The following NAV2 variants were observed in gnomAD, a reference collection of about 807,000 sequenced individuals.
NAV2 encodes the protein helicase, APC down-regulated 1.
NAV2 carries 54 observed loss-of-function variants against 223.2 expected under a neutral mutation model. That is an observed-to-expected ratio of 0.24 (90% CI 0.19 to 0.30). The LOEUF (loss-of-function observed/expected upper bound fraction) is 0.30. NAV2 is among the 10% of genes least tolerant of loss of function. NAV2 has a pLI of 1.00. For missense variants in NAV2, 2,806 were observed against 3,147.5 expected, an observed-to-expected ratio of 0.89 and a Z score of 2.60; for synonymous variants, 1,279 against 1,239.3, an observed-to-expected ratio of 1.03 and a Z score of -0.67.
chr11:20,110,236 C>T (rs1211318324), intron 36 of NAV2, among the ~76,000 whole-genome samples: 3 of 152,122 alleles, frequency 2.0e-5, no homozygotes, highest in African/African-American at 4.8e-5. Context: ...CAAAGGGAGG[C>T]GGCCAGAGTT....
chr11:20,070,803 G>A (rs1489166761), intron 22 of NAV2, among the ~76,000 whole-genome samples: 1 of 152,080 alleles, frequency 6.6e-6, no homozygotes, highest in African/African-American at 2.4e-5. Flanking sequence ...AGCCTCCACA[G>A]TCTGTATTTT....
chr11:19,493,433 C>T (rs1564983942), intron 1 of NAV2, among the ~76,000 whole-genome samples: 1 of 152,094 alleles, frequency 6.6e-6, no homozygotes. Flanking sequence ...AGTAATTTTC[C>T]CTTCTTCTTA....
At chr11:19,804,681 T>C (rs1004679582) in intron 1 of NAV2, among the ~76,000 whole-genome samples, 7 of 152,220 alleles carry the variant, frequency 4.6e-5, no homozygotes, top group Non-Finnish European at 7.3e-5. Flanking sequence ...ATCCATCTGA[T>C]AGACATTTAT....
intron 10 of NAV2, among the ~76,000 whole-genome samples, chr11:19,976,349 G>C (rs553288662): frequency 1.3e-5 from 2 of 152,256 alleles, no homozygotes; most frequent in Admixed American, 1.3e-4. Context: ...TTGAGCTGCA[G>C]ACAGCGACTC....
chr11:19,503,608 C>T (rs1361552098), intron 1 of NAV2: 1 of 152,132 alleles, frequency 6.6e-6, no homozygotes, highest in Non-Finnish European at 1.5e-5. Flanking sequence ...GAGTTTCCTC[C>T]ATGTTTTTCA....
intron 10 of NAV2, among the ~76,000 whole-genome samples, chr11:19,973,364 A>T (rs527996948): frequency 6.6e-6 from 1 of 152,118 alleles, no homozygotes; most frequent in African/African-American, 2.4e-5. Flanking sequence ...GTCTCAGAGC[A>T]CTCTGAGGCT....
chr11:19,585,678 C>A (rs1258337503), intron 1 of NAV2, among the ~76,000 whole-genome samples: 2 of 152,184 alleles, frequency 1.3e-5, no homozygotes, highest in African/African-American at 4.8e-5. Flanking sequence ...GTTGAAAATT[C>A]TTTTCTTTAA....
intron 2 of NAV2, among the ~76,000 whole-genome samples, chr11:19,834,171 T>TTCTTCC (rs1454011050): frequency 6.6e-6 from 1 of 152,216 alleles, no homozygotes; most frequent in African/African-American, 2.4e-5. Flanking sequence ...CTTTTTCCAA[T>TTCTTCC]TCTTCCTCTT....
intron 30 of NAV2, 22 bp downstream of exon 30, chr11:20,095,789 C>T (rs374959629): frequency 6.5e-7 from 1 of 1,542,268 alleles, no homozygotes; most frequent in Non-Finnish European, 9.0e-7. Flanking sequence ...AAGACAACGG[C>T]TACAGCATAC....
intron 5 of NAV2, among the ~76,000 whole-genome samples, chr11:19,889,810 T>C (rs1288265346): frequency 6.6e-6 from 1 of 152,160 alleles, no homozygotes; most frequent in African/African-American, 2.4e-5. Flanking sequence ...CACAGATACT[T>C]GGATTGAGTA....
chr11:20,102,427 C>T lies in NAV2; in HGVS notation c.6418-828C>T, dbSNP rs532052530. On this transcript the variant is annotated intron_variant, in intron 32 of 37. Coordinates refer to ENST00000349880, the MANE Select transcript of NAV2 (RefSeq NM_145117.5). ...ACCCAGGTCTGACCCATGCCCGCTG[C>T]TTACCCGCTGTGCACTCTCAGGCCA... Among the ~76,000 whole-genome samples the T allele has an allele frequency of 2.6e-5, 4 of 152,232 alleles. No individual in the cohort carries two copies. The South Asian group carries it at 6.2e-4, about 24-fold the overall frequency.
rs191881661 is a variant in NAV2 at position 19,596,762 on chromosome 11, C to T, written c.76-235722C>T. 9.2e-5 allele frequency among the ~76,000 whole-genome samples: 14 copies of T among 152,364 alleles called. No individual in the cohort carries two copies. In the East Asian group the frequency reaches 2.5e-3, roughly 27 times the overall value. On this transcript the variant is annotated intron_variant, in intron 1 of 37. Transcript: ENST00000360655. Reference sequence around the variant, plus strand: ...CAATGAGTTTCAGCAAATGATGGCACTACTTCCGAGAGCATCTGTAGAGCA... The same window carrying T: ...CAATGAGTTTCAGCAAATGATGGCATTACTTCCGAGAGCATCTGTAGAGCA...
chr11:19,746,286 C>T (rs2053332097), intron 1 of NAV2, among the ~76,000 whole-genome samples: 1 of 152,100 alleles, frequency 6.6e-6, no homozygotes, highest in Admixed American at 6.5e-5. Context: ...AAGTGGAGCT[C>T]AACATATTTG....
intron 1 of NAV2, among the ~76,000 whole-genome samples, chr11:19,623,729 A>G (rs1007329129): frequency 6.6e-6 from 1 of 152,130 alleles, no homozygotes; most frequent in African/African-American, 2.4e-5. Flanking sequence ...TTTAGCTTGG[A>G]GAAATTTGAT....
intron 18 of NAV2, 35 bp downstream of exon 18, chr11:20,054,275 G>T (rs748936103): frequency 6.4e-7 from 1 of 1,563,416 alleles, no homozygotes; most frequent in East Asian, 2.3e-5. Context: ...ATGTTGATCA[G>T]CTCCACAGGG....
At chr11:19,537,385 A>AT (rs1391673191) in intron 1 of NAV2, among the ~76,000 whole-genome samples, 1 of 152,198 alleles carries the variant, frequency 6.6e-6, no homozygotes, top group Non-Finnish European at 1.5e-5. Flanking sequence ...TATTATCTCC[A>AT]TTTTACAGCT....
intron 6 of NAV2, among the ~76,000 whole-genome samples, chr11:19,918,526 T>G (rs1044206346): frequency 6.6e-6 from 1 of 152,210 alleles, no homozygotes; most frequent in Non-Finnish European, 1.5e-5. Context: ...GCCTGCTGTG[T>G]GAGCAGAGAA....
At chr11:19,525,477 G>A (rs930527425) in intron 1 of NAV2, among the ~76,000 whole-genome samples, 7 of 152,208 alleles carry the variant, frequency 4.6e-5, no homozygotes, top group African/African-American at 1.7e-4. Context: ...ACTGCGGTCT[G>A]TCGTTAGTGA....
intron 1 of NAV2, among the ~76,000 whole-genome samples, chr11:19,823,533 G>T (rs1268169952): frequency 1.3e-5 from 2 of 151,954 alleles, no homozygotes; most frequent in African/African-American, 4.8e-5. Context: ...TAGAGACAGG[G>T]TTTCACCATG....
Sources: gnomAD v4.1 joint callset for allele counts (sites outside exome capture counted in the v4.1 genomes callset) on GRCh38, gnomAD v4.1.1 for gene constraint, MANE v1.5 for transcripts, NCBI Gene and HGNC (gene_info 2026-07-23, HGNC 2026-07-21) for gene names.